AHRR: variants seen among roughly 807,000 people sequenced by gnomAD.
The protein encoded by AHRR is ahR repressor.
A neutral mutation model predicts 44.0 loss-of-function variants in AHRR; 28 were observed. The ratio of observed to expected loss-of-function variants is 0.64; its 90% confidence interval spans 0.47 to 0.87. The LOEUF is 0.87. Ranked by LOEUF, AHRR falls within the 40% of genes least tolerant of loss-of-function variation. The pLI is 0.00. For synonymous variants in AHRR, 434 were observed against 407.0 expected, an observed-to-expected ratio of 1.07 and a Z score of -0.80; for missense variants, 990 against 953.9, an observed-to-expected ratio of 1.04 and a Z score of -0.50.
chr5:412,466 C>G (rs1040796252), intron 4 of AHRR, among the ~76,000 whole-genome samples: 8 of 152,100 alleles, frequency 5.3e-5, no homozygotes, highest in African/African-American at 1.9e-4. Context: ...TGACTCGTGT[C>G]TTGATGGTTG....
chr5:426,756 T>G (rs1736419679), intron 7 of AHRR, among the ~76,000 whole-genome samples: 1 of 140,570 alleles, frequency 7.1e-6, no homozygotes, highest in Non-Finnish European at 1.5e-5. Flanking sequence ...GATGGGAAGA[T>G]GATGGATGCA....
At chr5:335,677 C>T (rs1742095433) in intron 1 of AHRR, among the ~76,000 whole-genome samples, 1 of 152,254 alleles carries the variant, frequency 6.6e-6, no homozygotes, top group African/African-American at 2.4e-5. Flanking sequence ...GTCCTAGCAG[C>T]CAGAGCCTTG....
chr5:420,803 ACG>A (rs1736051424), intron 5 of AHRR: 2 of 71,352 alleles, frequency 2.8e-5, no homozygotes, highest in Admixed American at 1.9e-4. Flanking sequence ...GCACGCAGCC[ACG>A]CAGCCACCCA....
chr5:347,968 A>G (rs1319142942), intron 2 of AHRR, among the ~76,000 whole-genome samples: 2 of 152,054 alleles, frequency 1.3e-5, no homozygotes, highest in Admixed American at 1.3e-4. Context: ...GTGTGCCCTA[A>G]ATTTTGTCTG....
chr5:344,505 T>G (rs1287079192), intron 2 of AHRR, among the ~76,000 whole-genome samples: 1 of 930 alleles, frequency 1.1e-3, no homozygotes, highest in South Asian at 0.071. Flanking sequence ...TGTGTGTGGG[T>G]GTGTGTGTGT....
At chr5:334,488 C>T (rs1475295113) in intron 1 of AHRR, among the ~76,000 whole-genome samples, 2 of 151,694 alleles carry the variant, frequency 1.3e-5, no homozygotes, top group African/African-American at 2.4e-5. Flanking sequence ...CTTTCTTCTG[C>T]TTGGTCTAGT....
In AHRR at chr5:387,817, C is replaced by T. The variant is rs1365117467; in HGVS notation, c.351+11101C>T. Among the ~76,000 whole-genome samples the T allele has an allele frequency of 1.3e-5, 2 of 152,220 alleles. No homozygotes were observed. Among genetic ancestry groups the T allele is most frequent in the African/African-American group, 4.8e-5 (2 of 41,460 alleles). ...ATGAATGACTGCAAACTGTGTGGCT[C>T]GAACAACAGGGGTTATTCTTCACAG... On this transcript the variant is annotated intron_variant, in intron 4 of 10. Coordinates refer to ENST00000684583, the MANE Select transcript of AHRR (RefSeq NM_001377236.1). This position sits in a 1 kb window ranked among gnomAD's most constrained non-coding sequence, Gnocchi z 5.1.
intron 2 of AHRR, among the ~76,000 whole-genome samples, chr5:348,384 G>A (rs1251780138): frequency 6.7e-6 from 1 of 150,066 alleles, no homozygotes; most frequent in Non-Finnish European, 1.5e-5. Flanking sequence ...TGAAGTATAC[G>A]TATTTCAGCT....
intron 9 of AHRR, 48 bp downstream of exon 9, chr5:432,572 G>A (rs755312022): frequency 2.5e-6 from 4 of 1,595,874 alleles, no homozygotes; most frequent in Non-Finnish European, 3.4e-6. Context: ...GGTAAAATGT[G>A]TTTCTGCCCT....
At chr5:348,326 C>T (rs1201679815) in intron 2 of AHRR, among the ~76,000 whole-genome samples, 1 of 151,210 alleles carries the variant, frequency 6.6e-6, no homozygotes, top group Non-Finnish European at 1.5e-5. Context: ...CAGGGATTCC[C>T]CCCCTCCTTT....
chr5:429,990 T>A (rs1560924780), intron 8 of AHRR, among the ~76,000 whole-genome samples: 1 of 152,176 alleles, frequency 6.6e-6, no homozygotes, highest in Admixed American at 6.5e-5. Context: ...TCCTCCTCTG[T>A]GCATGGACAG....
chr5:420,328 C>T (rs984135099), intron 5 of AHRR, among the ~76,000 whole-genome samples: 3 of 152,208 alleles, frequency 2.0e-5, no homozygotes, highest in South Asian at 2.1e-4. Context: ...CAGAGCCCAA[C>T]GAAGACAATC....
At chr5:367,862 G>T in intron 3 of AHRR, 1 of 702,580 alleles carries the variant, frequency 1.4e-6, no homozygotes, top group Non-Finnish European at 2.6e-6. Flanking sequence ...ACGGGCGAAC[G>T]AAGGCCCATG....
intron 10 of AHRR, 97 bp downstream of exon 10, chr5:433,044 A>G: frequency 7.2e-7 from 1 of 1,395,662 alleles, no homozygotes; most frequent in Non-Finnish European, 9.5e-7. Flanking sequence ...AAGAAAAATA[A>G]AAAAGACGAC....
chr5:340,688 A>ATATATATTTTTT (rs1269938749), intron 1 of AHRR, among the ~76,000 whole-genome samples: 3 of 12,928 alleles, frequency 2.3e-4, no homozygotes, highest in African/African-American at 8.0e-4. Flanking sequence ...ATATATATAT[A>ATATATATTTTTT]TTTTTTTTTT....
At chr5:345,900 TAA>T (rs1483577242) in intron 2 of AHRR, among the ~76,000 whole-genome samples, 1 of 152,074 alleles carries the variant, frequency 6.6e-6, no homozygotes, top group Non-Finnish European at 1.5e-5. Context: ...TGGTAAACAG[TAA>T]AGAGATCCCA....
At chr5:330,803 A>G (rs1290706537) in intron 1 of AHRR, among the ~76,000 whole-genome samples, 1 of 150,696 alleles carries the variant, frequency 6.6e-6, no homozygotes, top group Non-Finnish European at 1.5e-5. Flanking sequence ...CTCCTACTCA[A>G]TTTTTTGGAA....
Position 413,364 on chromosome 5 carries a change from G to C in AHRR, c.372G>C (p.Leu124=), listed in dbSNP as rs778799504. 5 of 1,611,960 alleles carry C rather than the reference G, an allele frequency of 3.1e-6. No individual in the cohort carries two copies. In the South Asian group the frequency reaches 5.5e-5, roughly 18 times the overall value. Residue 124 remains leucine (L), a synonymous_variant, in exon 5 of 11, where the codon CTG becomes CTC. Coordinates refer to ENST00000684583, the MANE Select transcript of AHRR (RefSeq NM_001377236.1). ...TCTAGTCTCTTAATGGCTTTGCTCT[G>C]GTCGTGAGTGCAGAAGGGACGATAT... ...LLLESLNGFA[L]VVSAEGTIFY...
chr5:353,644 A>G, intron 2 of AHRR, 86 bp from the exon 3 acceptor site: 1 of 1,272,014 alleles, frequency 7.9e-7, no homozygotes, highest in African/African-American at 1.5e-5. Context: ...GCTCCTAGTA[A>G]GGTCACTGCA....
Sources: gnomAD v4.1 joint callset for allele counts (sites outside exome capture counted in the v4.1 genomes callset) on GRCh38, gnomAD v4.1.1 for gene constraint, Gnocchi (gnomAD v3.1) non-coding constraint, MANE v1.5 for transcripts, NCBI Gene and HGNC (gene_info 2026-07-23, HGNC 2026-07-21) for gene names.